ERC2: variants seen among roughly 807,000 people sequenced by gnomAD.
The protein encoded by ERC2 is ELKS/RAB6-interacting/CAST family member 2.
In ERC2, 42 loss-of-function variants were observed where a neutral mutation model predicts 114.8. That is an observed-to-expected ratio of 0.37 (90% CI 0.29 to 0.47). The LOEUF (loss-of-function observed/expected upper bound fraction) is 0.47, where lower values mean the gene tolerates loss of function less well. Ranked by LOEUF, ERC2 falls within the 20% of genes least tolerant of loss-of-function variation. The probability of loss-of-function intolerance (pLI) is 0.99; values close to 1 mark genes in which losing one functional copy is unlikely to be tolerated. For synonymous variants in ERC2, 454 were observed against 425.5 expected (o/e 1.07, Z -0.82); for missense variants, 939 against 1,150.7 (o/e 0.82, Z 2.66).
At chr3:56,383,115 G>C (rs4974209) in intron 2 of ERC2, among the ~76,000 whole-genome samples, 152,274 of 152,274 alleles carry the variant, frequency 1, 76,137 homozygotes, top group Non-Finnish European at 1. Context: ...CTCACCACCT[G>C]CACTGCTCCT....
intron 13 of ERC2, among the ~76,000 whole-genome samples, chr3:55,896,042 G>A (rs2063828532): frequency 6.6e-6 from 1 of 152,136 alleles, no homozygotes; most frequent in African/African-American, 2.4e-5. Context: ...GTTCTGCGCT[G>A]GTATAGAAGC....
At chr3:55,835,183 A>G (rs1197749283) in intron 14 of ERC2, among the ~76,000 whole-genome samples, 2 of 152,074 alleles carry the variant, frequency 1.3e-5, no homozygotes, top group Non-Finnish European at 2.9e-5. Flanking sequence ...ACAAGGAGGA[A>G]CTGGTACCAT....
At chr3:56,348,167 CT>C (rs1301278246) in intron 2 of ERC2, among the ~76,000 whole-genome samples, 2 of 152,176 alleles carry the variant, frequency 1.3e-5, no homozygotes, top group Non-Finnish European at 2.9e-5. Context: ...TCTTGCTTCC[CT>C]CTTCCTTTCC....
chr3:55,749,980 A>G (rs546529887), intron 14 of ERC2, among the ~76,000 whole-genome samples: 1 of 152,334 alleles, frequency 6.6e-6, no homozygotes, highest in Admixed American at 6.5e-5. Context: ...TAATGAAAAG[A>G]TATCTTTAAG....
At chr3:55,756,326 T>G (rs2148982799) in intron 14 of ERC2, among the ~76,000 whole-genome samples, 1 of 152,288 alleles carries the variant, frequency 6.6e-6, no homozygotes, top group Admixed American at 6.5e-5. Context: ...ACCAGGAAAC[T>G]TTTTGATGCT....
At chr3:56,194,383 T>C (rs1441858850) in intron 3 of ERC2, among the ~76,000 whole-genome samples, 1 of 152,150 alleles carries the variant, frequency 6.6e-6, no homozygotes, top group Non-Finnish European at 1.5e-5. Context: ...TCCAATGATG[T>C]CCAATGTGCT....
rs1220132450 is a variant in ERC2 at position 56,435,265 on chromosome 3, T to G, written c.-140-118A>C. 3 of 336,862 alleles carry G rather than the reference T, an allele frequency of 8.9e-6. No individual in the cohort carries two copies. The East Asian group carries it at 1.7e-4, about 20-fold the overall frequency. The allele number at this position is 336,862 out of a possible 1,614,324, so 20.9% of individuals were successfully genotyped here. A position where few individuals can be genotyped will look rare whatever the true frequency, so the allele number is the denominator to read the frequency against. ...ACCTATGTAGATAGGTGATTAATAA[T>G]AGACAGATAGAAAGAGCCACACCCA... On this transcript the variant is annotated intron_variant, in intron 1 of 17. Transcript: ENST00000288221.
chr3:55,859,357 T>C (rs969700922), intron 14 of ERC2, among the ~76,000 whole-genome samples: 1 of 152,114 alleles, frequency 6.6e-6, no homozygotes, highest in Non-Finnish European at 1.5e-5. Flanking sequence ...TTACTGTTTT[T>C]GAACACCTTC....
At chr3:55,695,958 T>C (rs1290543321) in intron 16 of ERC2, among the ~76,000 whole-genome samples, 1 of 152,194 alleles carries the variant, frequency 6.6e-6, no homozygotes, top group African/African-American at 2.4e-5. Flanking sequence ...CGCTCGAAGA[T>C]AGAGTTGTAA....
intron 17 of ERC2, among the ~76,000 whole-genome samples, chr3:55,519,553 G>A (rs1427639994): frequency 6.6e-6 from 1 of 152,176 alleles, no homozygotes; most frequent in Admixed American, 6.5e-5. Flanking sequence ...TTAGTACCAT[G>A]AAAGTGTCCA....
At chr3:56,367,678 T>A (rs561425922) in intron 2 of ERC2, among the ~76,000 whole-genome samples, 1 of 152,276 alleles carries the variant, frequency 6.6e-6, no homozygotes, top group South Asian at 2.1e-4. Context: ...TATAGAAGAA[T>A]CTATAATTCT....
At chr3:56,123,259 T>C (rs1196185359) in intron 6 of ERC2, among the ~76,000 whole-genome samples, 1 of 152,118 alleles carries the variant, frequency 6.6e-6, no homozygotes, top group African/African-American at 2.4e-5. Context: ...AATTAGGTCA[T>C]GAGAGTGGAG....
chr3:55,954,076 T>C (rs1187880592), intron 12 of ERC2, among the ~76,000 whole-genome samples: 1 of 84,840 alleles, frequency 1.2e-5, no homozygotes, highest in African/African-American at 4.9e-5. Context: ...ACTTGCTCCA[T>C]TATTTAAAAA....
chr3:55,997,880 G>GTT (rs869077498), intron 10 of ERC2, among the ~76,000 whole-genome samples: 12 of 44,778 alleles, frequency 2.7e-4, no homozygotes, highest in Admixed American at 6.6e-4. Flanking sequence ...TCTTAATTCT[G>GTT]TTTTTTTTTT....
chr3:55,799,104 G>T (rs541984222), intron 14 of ERC2, among the ~76,000 whole-genome samples: 139 of 152,076 alleles, frequency 9.1e-4, no homozygotes, highest in African/African-American at 3.3e-3. Flanking sequence ...GGGCTAGTAG[G>T]GGCCATGTAC....
intron 7 of ERC2, among the ~76,000 whole-genome samples, chr3:56,074,422 T>A (rs1470186017): frequency 6.6e-6 from 1 of 152,152 alleles, no homozygotes; most frequent in African/African-American, 2.4e-5. Context: ...TAAAAATAAT[T>A]ATTTGCATGG....
rs576023529 is a variant in ERC2, at chr3:56,061,985, A to AT, written c.1641+18831dup. Among the ~76,000 whole-genome samples the AT allele has an allele frequency of 2.9e-3, 436 of 152,218 alleles. 3 individuals carry two copies. Among genetic ancestry groups the AT allele is most frequent in the African/African-American group, 8.6e-3 (356 of 41,550 alleles). On this transcript the variant is annotated intron_variant, in intron 7 of 17. Coordinates refer to ENST00000288221, the MANE Select transcript of ERC2 (RefSeq NM_015576.3). ...ATAAACATTTCATGCTATGTGTAGA[A>AT]TTTTTTCTGCATTTCATATTATAAA...
intron 3 of ERC2, among the ~76,000 whole-genome samples, chr3:56,268,193 T>C (rs1234971787): frequency 6.6e-6 from 1 of 152,208 alleles, no homozygotes; most frequent in Non-Finnish European, 1.5e-5. Flanking sequence ...AGATACACCA[T>C]TGCATTACAA....
In ERC2 at chr3:55,996,001, T is replaced by C. The variant is rs17216475; in HGVS notation, c.2062-3751A>G. On this transcript the variant is annotated intron_variant, in intron 10 of 17. Transcript: ENST00000288221. ...CTTTAATCTGACTAGCAGCTCCCGA[T>C]AGAGATCAAAAGTAGGTAACAGACT... Among the ~76,000 whole-genome samples, 56 of 152,324 alleles carry C rather than the reference T, an allele frequency of 3.7e-4. 1 individual carries two copies. In the East Asian group the frequency reaches 8.7e-3, roughly 24 times the overall value.
Sources: gnomAD v4.1 joint callset for allele counts (sites outside exome capture counted in the v4.1 genomes callset) on GRCh38, gnomAD v4.1.1 for gene constraint, MANE v1.5 for transcripts, NCBI Gene and HGNC (gene_info 2026-07-23, HGNC 2026-07-21) for gene names.